AKNA: variants seen among roughly 807,000 people sequenced by gnomAD.
The protein encoded by AKNA is microtubule organization protein AKNA.
A neutral mutation model predicts 138.8 loss-of-function variants in AKNA; 67 were observed. The observed-to-expected ratio is 0.48, with a 90% CI of 0.40 to 0.59. The LOEUF (loss-of-function observed/expected upper bound fraction) is 0.59. AKNA is among the 20% of genes least tolerant of loss of function. AKNA has a pLI of 0.00. For missense variants in AKNA, 1,813 were observed against 1,880.4 expected (o/e 0.96, Z 0.66); for synonymous variants, 737 against 754.4 (o/e 0.98, Z 0.38).
chr9:114,372,789 T>C (rs1832869517), intron 4 of AKNA, among the ~76,000 whole-genome samples: 1 of 152,148 alleles, frequency 6.6e-6, no homozygotes, highest in Non-Finnish European at 1.5e-5. Flanking sequence ...TTCCCTCCCT[T>C]TCCCAACTCC....
chr9:114,390,653 T>C (rs1326413006), upstream of AKNA, among the ~76,000 whole-genome samples: 1 of 152,212 alleles, frequency 6.6e-6, no homozygotes, highest in Non-Finnish European at 1.5e-5. Flanking sequence ...GACGCACAGC[T>C]AGCTACTATG....
intron 1 of AKNA, among the ~76,000 whole-genome samples, chr9:114,384,773 A>G (rs1397607107): frequency 1.3e-5 from 2 of 152,222 alleles, no homozygotes; most frequent in Non-Finnish European, 2.9e-5. Flanking sequence ...GGCTATTGAT[A>G]AAGTTTTGGG....
chr9:114,351,025 G>C lies in AKNA; in HGVS notation c.3059-4C>G, dbSNP rs1355944988. On this transcript the variant is annotated splice_polypyrimidine_tract_variant and splice_region_variant and intron_variant, in intron 14 of 21. Transcript: ENST00000374088. ...TCAAACTCTGAGCCAGGAACCGCTA[G>C]GGAGGCAGAGAGAGAACCCAAAGTG... 1.2e-6 allele frequency: 2 copies of C among 1,613,080 alleles called. No homozygotes were observed. The highest frequency in any genetic ancestry group is 1.1e-5 in the South Asian group (1 of 90,956).
chr9:114,378,494 CATGATT>C (rs1833405883), intron 2 of AKNA, among the ~76,000 whole-genome samples: 1 of 152,108 alleles, frequency 6.6e-6, no homozygotes, highest in Non-Finnish European at 1.5e-5. Context: ...CTGTTTTGTT[CATGATT>C]ATATTTGCAG....
chr9:114,383,199 G>C (rs1300170412), intron 1 of AKNA: 1 of 455,916 alleles, frequency 2.2e-6, no homozygotes, highest in African/African-American at 2.0e-5. Context: ...GGCCACACGG[G>C]GGACCCGTCA....
chr9:114,358,184 A>C lies in AKNA; in HGVS notation c.2493-17T>G, dbSNP rs1174748986. 6.2e-7 allele frequency: 1 copy of C among 1,613,436 alleles called. No homozygotes were observed. The highest frequency in any genetic ancestry group is 8.5e-7 in the Non-Finnish European group (1 of 1,179,820). ...GTGGCCTCCCTGGCATGGGAAGAGAAGACCATCCTTGAGTTCTGCCAGGCA... is the reference window on the plus strand; with the variant it reads ...GTGGCCTCCCTGGCATGGGAAGAGACGACCATCCTTGAGTTCTGCCAGGCA... On this transcript the variant is annotated splice_polypyrimidine_tract_variant and intron_variant, in intron 11 of 21. Transcript: ENST00000374088.
chr9:114,387,223 G>A (rs1206804285), intron 1 of AKNA, among the ~76,000 whole-genome samples: 1 of 152,132 alleles, frequency 6.6e-6, no homozygotes. Flanking sequence ...TTCTCAAGGG[G>A]TTCCCACCAG....
At chr9:114,343,634 A>G in intron 19 of AKNA, 74 bp downstream of exon 19, 1 of 1,477,718 alleles carries the variant, frequency 6.8e-7, no homozygotes, top group Non-Finnish European at 9.5e-7. Context: ...GATCTTGTCA[A>G]GTACACACTC....
chr9:114,358,158 C>T lies in AKNA; in HGVS notation c.2502G>A (p.Thr834=), dbSNP rs764174103. 3.1e-6 allele frequency: 5 copies of T among 1,614,008 alleles called. No individual in the cohort carries two copies. Among genetic ancestry groups the T allele is most frequent in the Admixed American group, 1.7e-5 (1 of 60,010 alleles). ...KSHGAPLEEA[T]EKMVSMKPPG... is the part of the protein sequence containing the mutation. ...GTGGCTTCATAGATACCATCTTCTCCGTGGCCTCCCTGGCATGGGAAGAGA... is the reference window on the plus strand; with the variant it reads ...GTGGCTTCATAGATACCATCTTCTCTGTGGCCTCCCTGGCATGGGAAGAGA... Residue 834 remains threonine, a synonymous_variant, in exon 12 of 22, where the codon ACG becomes ACA. Coordinates refer to ENST00000374088, the MANE Select transcript of AKNA (RefSeq NM_001317950.2).
intron 4 of AKNA, 84 bp from the exon 5 acceptor site, chr9:114,368,679 A>G: frequency 8.8e-7 from 1 of 1,130,394 alleles, no homozygotes; most frequent in Non-Finnish European, 1.1e-6. Context: ...TCAGGAGCTC[A>G]ACACACATGC....
At chr9:114,393,527 G>A (rs1444467955) in intron 1 of AKNA, among the ~76,000 whole-genome samples, 1 of 151,820 alleles carries the variant, frequency 6.6e-6, no homozygotes, top group Non-Finnish European at 1.5e-5. Context: ...GCCCGGCCCT[G>A]GACAGTGTGA....
intron 21 of AKNA, among the ~76,000 whole-genome samples, chr9:114,340,305 AGG>A (rs771484942): frequency 1.3e-5 from 2 of 152,170 alleles, no homozygotes; most frequent in African/African-American, 2.4e-5. Flanking sequence ...ATTTCACAGC[AGG>A]GGAAGCAGGC....
At chr9:114,345,647 T>C in intron 18 of AKNA, 1 of 526,946 alleles carries the variant, frequency 1.9e-6, no homozygotes, top group South Asian at 2.4e-5. Flanking sequence ...AGGGGAAGCA[T>C]CAGAAAGTGT....
chr9:114,383,456 A>T (rs975904575), intron 1 of AKNA, among the ~76,000 whole-genome samples: 3 of 152,208 alleles, frequency 2.0e-5, no homozygotes, highest in African/African-American at 7.2e-5. Flanking sequence ...AGAGAACTGC[A>T]GCCCATCAGT....
chr9:114,344,846 C>T (rs1209721567), intron 18 of AKNA: 2 of 155,358 alleles, frequency 1.3e-5, no homozygotes, highest in Middle Eastern at 5.6e-4. Flanking sequence ...GTTCCTGCTA[C>T]TGTCGTTTCT....
In AKNA at chr9:114,361,736, G is replaced by A; in HGVS notation, c.2092C>T (p.Pro698Ser). The change falls in exon 9 of 22, where the codon CCC becomes TCC. Residue 698 changes from proline to serine, a missense_variant. Pro to Ser is a moderately conservative substitution (Grantham distance 74). Coordinates refer to ENST00000374088, the MANE Select transcript of AKNA (RefSeq NM_001317950.2). ...CAGGAGGTCTTGATGGCTGGCATGG[G>A]GGCTTGTCCAGAAGGAGCAGGCAGG... is the stretch of plus-strand genomic sequence containing the variant. ...THLPAPSGQAPMPAIKTSCPE... is the reference protein window; with the variant it reads ...THLPAPSGQASMPAIKTSCPE... The A allele has an allele frequency of 6.2e-7, 1 of 1,613,498 alleles. No individual in the cohort carries two copies. The highest frequency in any genetic ancestry group is 1.1e-5 in the South Asian group (1 of 91,044).
chr9:114,359,658 C>T lies in AKNA; in HGVS notation c.2428G>A (p.Ala810Thr), dbSNP rs780425813. The T allele has an allele frequency of 1.9e-6, 3 of 1,613,804 alleles. No individual in the cohort carries two copies. The highest frequency in any genetic ancestry group is 2.2e-5 in the South Asian group (2 of 91,048). ...CACTGCCTTGGGAGGACCCTGGTGG[C>T]CTCTGCTTTCCCTGGAGTTGCAGCC... The part of the protein sequence containing the change: ...GVAATPGKAE[A>T]TRVLPRQCPV... The change falls in exon 11 of 22, where the codon GCC becomes ACC. Residue 810 changes from alanine (A) to threonine (T), a missense_variant. By Grantham distance (58) the Ala-to-Thr change is moderately conservative. Coordinates refer to ENST00000374088, the MANE Select transcript of AKNA (RefSeq NM_001317950.2).
chr9:114,350,887 T>A lies in AKNA; in HGVS notation c.3193A>T (p.Ser1065Cys), dbSNP rs1328447844. 1 of 1,579,970 alleles carries A rather than the reference T, an allele frequency of 6.3e-7. No individual in the cohort carries two copies. The highest frequency in any genetic ancestry group is 1.4e-5 in the African/African-American group (1 of 73,300). Reference sequence around the variant, plus strand: ...CGCCCTGCCCTGGTGAGCAGGAAGCTGGGGATGGTCTCTGTTGGTCCACAG... The same window carrying A: ...CGCCCTGCCCTGGTGAGCAGGAAGCAGGGGATGGTCTCTGTTGGTCCACAG... ...LPCGPTETIP[S>C]FLLTRAGRDQ... Residue 1065 changes from serine (S) to cysteine (C), a missense_variant, in exon 15 of 22, where the codon AGC (serine) becomes TGC (cysteine). Physicochemically the swap from Ser to Cys is moderately radical, Grantham distance 112 (BLOSUM62 -1). Coordinates refer to ENST00000374088, the MANE Select transcript of AKNA (RefSeq NM_001317950.2).
chr9:114,371,286 C>A (rs926652644), intron 4 of AKNA, among the ~76,000 whole-genome samples: 1 of 152,226 alleles, frequency 6.6e-6, no homozygotes, highest in African/African-American at 2.4e-5. Context: ...GCTAGGCTGC[C>A]GAGTTCCAAC....
Sources: allele counts gnomAD v4.1 joint callset (sites outside exome capture counted in the v4.1 genomes callset), GRCh38; gene constraint gnomAD v4.1.1; transcripts MANE v1.5; gene names NCBI Gene and HGNC (gene_info 2026-07-23, HGNC 2026-07-21).